Variants in LPAR3 observed in about 807,000 individuals in gnomAD.
LPAR3 encodes LPA receptor 3.
LPAR3 carries 7 observed loss-of-function variants against 17.8 expected under a neutral mutation model. The observed-to-expected ratio is 0.39, with a 90% CI of 0.22 to 0.74. The LOEUF (loss-of-function observed/expected upper bound fraction) is 0.74, where lower values mean the gene tolerates loss of function less well. LPAR3 is among the 30% of genes least tolerant of loss of function. The pLI, the probability that LPAR3 is intolerant of heterozygous loss-of-function variation, is 0.40. For synonymous variants in LPAR3, 179 were observed against 179.9 expected, an observed-to-expected ratio of 0.99 and a Z score of 0.04; for missense variants, 391 against 453.4, an observed-to-expected ratio of 0.86 and a Z score of 1.25.
chr1:84,832,013 T>C (rs1321234411), intron 2 of LPAR3, among the ~76,000 whole-genome samples: 1 of 152,062 alleles, frequency 6.6e-6, no homozygotes, highest in Non-Finnish European at 1.5e-5. Flanking sequence ...ATGTTGAACA[T>C]TCCAGACTCT....
At chr1:84,863,581 G>A (rs1453971563) in intron 2 of LPAR3, among the ~76,000 whole-genome samples, 3 of 152,026 alleles carry the variant, frequency 2.0e-5, no homozygotes, top group Non-Finnish European at 4.4e-5. Flanking sequence ...TCCATCCTTG[G>A]TCCTCCTCTC....
chr1:84,892,660 GA>G (rs1660574327), intron 1 of LPAR3, among the ~76,000 whole-genome samples: 2 of 152,238 alleles, frequency 1.3e-5, no homozygotes, highest in African/African-American at 2.4e-5. Flanking sequence ...CAATGAGACT[GA>G]GTTTGGAAAG....
At position 84,893,038 on chromosome 1, in the gene LPAR3, C is replaced by G. The variant is rs1463737182; in HGVS notation, c.-41G>C. ...CACCGCTCACGTTCACCCGCGCCGC[C>G]GAGCCCGGGAGCGGGGGCCCCTGCG... On this transcript the variant is annotated 5_prime_UTR_variant, in exon 1 of 3. Transcript: ENST00000370611. 1 of 152,070 alleles carries G rather than the reference C, an allele frequency of 6.6e-6. No individual in the cohort carries two copies. Among genetic ancestry groups the G allele is most frequent in the Non-Finnish European group, 1.5e-5 (1 of 68,012 alleles). The allele number at this position is 152,070 out of a possible 1,614,324, so 9.4% of individuals were successfully genotyped here.
intron 2 of LPAR3, among the ~76,000 whole-genome samples, chr1:84,842,390 A>C (rs1365779771): frequency 6.6e-6 from 1 of 152,228 alleles, no homozygotes; most frequent in Non-Finnish European, 1.5e-5. Context: ...AAAAGCCAAA[A>C]GGTTTCCAGG....
At chr1:84,886,832 A>G (rs1482236448) in intron 1 of LPAR3, among the ~76,000 whole-genome samples, 2 of 152,216 alleles carry the variant, frequency 1.3e-5, no homozygotes, top group African/African-American at 2.4e-5. Context: ...AAATAAAGAA[A>G]TGCTCAATGA....
intron 2 of LPAR3, among the ~76,000 whole-genome samples, chr1:84,815,357 A>G (rs747039377): frequency 1.3e-4 from 20 of 152,214 alleles, no homozygotes; most frequent in Non-Finnish European, 2.8e-4. Flanking sequence ...ACAATGTGCC[A>G]GGAGCTGTAC....
intron 2 of LPAR3, among the ~76,000 whole-genome samples, chr1:84,861,700 G>A (rs1014567748): frequency 7.9e-5 from 12 of 152,116 alleles, no homozygotes; most frequent in African/African-American, 1.4e-4. Flanking sequence ...CATTTCCCTC[G>A]TCCCTGAACT....
At chr1:84,825,269 T>TC (rs1365725434) in intron 2 of LPAR3, among the ~76,000 whole-genome samples, 1 of 152,210 alleles carries the variant, frequency 6.6e-6, no homozygotes, top group East Asian at 1.9e-4. Context: ...GTCACCTGAC[T>TC]CCAGCAAAAA....
intron 1 of LPAR3, among the ~76,000 whole-genome samples, chr1:84,875,467 G>T (rs1442431342): frequency 6.6e-6 from 1 of 152,134 alleles, no homozygotes; most frequent in Non-Finnish European, 1.5e-5. Flanking sequence ...GTTATCACAG[G>T]AGTGGGCTCC....
chr1:84,884,399 G>A lies in LPAR3; in HGVS notation c.-19+8617C>T, dbSNP rs147839019. Among the ~76,000 whole-genome samples the A allele has an allele frequency of 3.7e-3, 560 of 152,316 alleles. 3 individuals carry two copies. The highest frequency in any genetic ancestry group is 0.014 in the Middle Eastern group (4 of 294). On this transcript the variant is annotated intron_variant, in intron 1 of 2. Coordinates refer to ENST00000370611, the MANE Select transcript of LPAR3 (RefSeq NM_012152.3). ...TCAAGCGCTATTTCTTTGTGGCACC[G>A]GGGAACAAGCATTTTGCATTTCTAA...
intron 1 of LPAR3, among the ~76,000 whole-genome samples, chr1:84,881,177 G>A (rs560531761): frequency 2.0e-5 from 3 of 152,172 alleles, no homozygotes; most frequent in East Asian, 1.9e-4. Context: ...TCACCTGCAC[G>A]CTGAAGGAAA....
At chr1:84,823,132 T>G (rs1385436812) in intron 2 of LPAR3, among the ~76,000 whole-genome samples, 5 of 152,194 alleles carry the variant, frequency 3.3e-5, no homozygotes, top group Non-Finnish European at 7.4e-5. Flanking sequence ...GGCATTCTTC[T>G]TATTTGAAAA....
chr1:84,891,955 T>C (rs1393866657), intron 1 of LPAR3, among the ~76,000 whole-genome samples: 1 of 152,070 alleles, frequency 6.6e-6, no homozygotes, highest in Non-Finnish European at 1.5e-5. Context: ...GGCTCACACC[T>C]GTAATCCCAG....
Position 84,813,704 on chromosome 1 carries a change from A to C in LPAR3, c.*142T>G. On this transcript the variant is annotated 3_prime_UTR_variant, in exon 3 of 3. Transcript: ENST00000370611. Reference sequence around the variant, plus strand: ...TACTGCCCATGCTTTTAAACTATGAAAAAAAATTTTTTAAAGAAATCTAGC... The same window carrying C: ...TACTGCCCATGCTTTTAAACTATGACAAAAAATTTTTTAAAGAAATCTAGC... The C allele has an allele frequency of 2.9e-6, 2 of 693,308 alleles. No individual in the cohort carries two copies. The highest frequency in any genetic ancestry group is 4.7e-6 in the Non-Finnish European group (2 of 424,986). The allele number at this position is 693,308 out of a possible 1,614,324, so 42.9% of individuals were successfully genotyped here.
chr1:84,822,660 CA>C (rs1338067822), intron 2 of LPAR3, among the ~76,000 whole-genome samples: 1 of 152,186 alleles, frequency 6.6e-6, no homozygotes. Context: ...AACACCCTCC[CA>C]TCTGGAGAAG....
chr1:84,824,195 T>C (rs1481147293), intron 2 of LPAR3, among the ~76,000 whole-genome samples: 1 of 152,134 alleles, frequency 6.6e-6, no homozygotes, highest in African/African-American at 2.4e-5. Flanking sequence ...TAAAATATCA[T>C]TCTGAGCTCA....
Position 84,817,228 on chromosome 1 carries a change from G to A in LPAR3, c.737-3057C>T, listed in dbSNP as rs570204660. Among the ~76,000 whole-genome samples the A allele has an allele frequency of 5.3e-5, 7 of 132,058 alleles. No individual in the cohort carries two copies. In the East Asian group the frequency reaches 1.7e-3, roughly 33 times the overall value. 86.6% of individuals were successfully genotyped at this position (132,058 alleles called of 152,430 possible). A position where few individuals can be genotyped will look rare whatever the true frequency, so the allele number is the denominator to read the frequency against. Reference sequence around the variant, plus strand: ...TCTTCTGGATTTATGTAGATTGGTAGGCAACTAAGTGATAAATATTTTCCA... The same window carrying A: ...TCTTCTGGATTTATGTAGATTGGTAAGCAACTAAGTGATAAATATTTTCCA... On this transcript the variant is annotated intron_variant, in intron 2 of 2. Transcript: ENST00000370611.
intron 1 of LPAR3, among the ~76,000 whole-genome samples, chr1:84,887,767 C>T (rs1232186699): frequency 6.6e-6 from 1 of 152,100 alleles, no homozygotes; most frequent in Non-Finnish European, 1.5e-5. Context: ...GAAGAAATAC[C>T]CAATACAGCC....
intron 2 of LPAR3, among the ~76,000 whole-genome samples, chr1:84,843,766 CA>C (rs1659550424): frequency 6.6e-6 from 1 of 152,260 alleles, no homozygotes; most frequent in South Asian, 2.1e-4. Flanking sequence ...TCCGGTAAAT[CA>C]AAAGTCAGTG....
Sources: gnomAD v4.1 joint callset for allele counts (sites outside exome capture counted in the v4.1 genomes callset) on GRCh38, gnomAD v4.1.1 for gene constraint, MANE v1.5 for transcripts, NCBI Gene and HGNC (gene_info 2026-07-23, HGNC 2026-07-21) for gene names.